Variants in PREP observed in about 807,000 individuals in gnomAD.
PREP encodes the protein prolyl endopeptidase, also known as dJ355L5.1 (prolyl endopeptidase).
PREP carries 29 observed loss-of-function variants against 87.6 expected under a neutral mutation model. That is an observed-to-expected ratio of 0.33 (90% CI 0.25 to 0.45). The LOEUF is 0.45. Among genes scored for constraint, PREP ranks in the 20% least tolerant of loss-of-function variants. PREP has a pLI of 1.00. For synonymous variants in PREP, 337 were observed against 328.6 expected, an observed-to-expected ratio of 1.03 and a Z score of -0.28; for missense variants, 695 against 886.5, an observed-to-expected ratio of 0.78 and a Z score of 2.74.
intron 9 of PREP, among the ~76,000 whole-genome samples, chr6:105,325,835 C>A (rs931436283): frequency 1.3e-5 from 2 of 152,112 alleles, no homozygotes; most frequent in African/African-American, 4.8e-5. Context: ...AAATAAATTT[C>A]AAAGTTTAAG....
chr6:105,350,406 TGA>T (rs1771917134), intron 7 of PREP, among the ~76,000 whole-genome samples: 1 of 152,112 alleles, frequency 6.6e-6, no homozygotes, highest in South Asian at 2.1e-4. Context: ...GTGGCGGAGC[TGA>T]GAGTAAAATT....
At chr6:105,325,607 C>T (rs1421052595) in intron 9 of PREP, among the ~76,000 whole-genome samples, 1 of 152,188 alleles carries the variant, frequency 6.6e-6, no homozygotes, top group East Asian at 1.9e-4. Flanking sequence ...CTGTGTTAAA[C>T]CTGAAGGTAC....
At chr6:105,355,942 CATTAT>C (rs1327125355) in intron 6 of PREP, among the ~76,000 whole-genome samples, 1 of 151,892 alleles carries the variant, frequency 6.6e-6, no homozygotes, top group Non-Finnish European at 1.5e-5. Context: ...TTTCTTTGTT[CATTAT>C]ATTAACACTT....
In PREP at chr6:105,373,569, A is replaced by G; in HGVS notation, c.395T>C (p.Phe132Ser). The G allele has an allele frequency of 6.2e-7, 1 of 1,614,082 alleles. No individual in the cohort carries two copies. The highest frequency in any genetic ancestry group is 8.5e-7 in the Non-Finnish European group (1 of 1,179,946). ...GGCAAAATATTCACCATCTTCGCTG[A>G]ACGCATAACCTATGGGACACAGGAG... is the stretch of plus-strand genomic sequence containing the variant. Reference protein sequence around the residue: ...DGTVALRGYAFSEDGEYFAYG... With the variant: ...DGTVALRGYASSEDGEYFAYG... The change falls in exon 5 of 15, where the codon TTC (phenylalanine) becomes TCC (serine). Residue 132 changes from phenylalanine to serine, a missense_variant. By Grantham distance (155) the Phe-to-Ser change is radical. Transcript: ENST00000652536.
chr6:105,308,747 A>G (rs1398956307), intron 10 of PREP, among the ~76,000 whole-genome samples: 1 of 152,182 alleles, frequency 6.6e-6, no homozygotes, highest in East Asian at 1.9e-4. Flanking sequence ...TTCAATCGTC[A>G]AGTACTTAAA....
intron 6 of PREP, among the ~76,000 whole-genome samples, chr6:105,358,716 T>A: frequency 6.6e-6 from 1 of 152,184 alleles, no homozygotes; most frequent in Non-Finnish European, 1.5e-5. Flanking sequence ...CCCCTTGCCT[T>A]GGCTACTCTT....
chr6:105,393,147 A>C (rs577440195), intron 2 of PREP, among the ~76,000 whole-genome samples: 55 of 152,226 alleles, frequency 3.6e-4, no homozygotes, highest in Non-Finnish European at 7.1e-4. Flanking sequence ...TGCTGTAAAG[A>C]GGAGAATCTT....
Position 105,379,968 on chromosome 6 carries a change from C to A in PREP, c.121-2449G>T, listed in dbSNP as rs192879073. Reference sequence around the variant, plus strand: ...CAGTGTTGGCCTGAACTGTTTGCTACCAGCCCACAATGAGAAGAGTGCAGA... The same window carrying A: ...CAGTGTTGGCCTGAACTGTTTGCTAACAGCCCACAATGAGAAGAGTGCAGA... On this transcript the variant is annotated intron_variant, in intron 2 of 14. Transcript: ENST00000652536. Among the ~76,000 whole-genome samples the A allele has an allele frequency of 2.4e-3, 365 of 152,312 alleles. 3 individuals carry two copies. Among genetic ancestry groups the A allele is most frequent in the Non-Finnish European group, 6.8e-4 (46 of 68,034 alleles).
chr6:105,348,878 C>CAA (rs1300160085), intron 7 of PREP, among the ~76,000 whole-genome samples: 11 of 92,308 alleles, frequency 1.2e-4, no homozygotes, highest in East Asian at 2.9e-4. Flanking sequence ...GATTCCGTCT[C>CAA]AAAAAAAAAA....
At chr6:105,310,403 C>T (rs1391040788) in intron 10 of PREP, among the ~76,000 whole-genome samples, 2 of 152,034 alleles carry the variant, frequency 1.3e-5, no homozygotes, top group African/African-American at 4.8e-5. Context: ...CCTGATACAC[C>T]CTGTTCAGCC....
chr6:105,398,325 A>G (rs1436289061), intron 1 of PREP, among the ~76,000 whole-genome samples: 1 of 152,196 alleles, frequency 6.6e-6, no homozygotes, highest in Non-Finnish European at 1.5e-5. Context: ...GCTAACACAC[A>G]CGTGCTCATT....
At chr6:105,346,656 G>A (rs1451935030) in intron 7 of PREP, among the ~76,000 whole-genome samples, 1 of 152,192 alleles carries the variant, frequency 6.6e-6, no homozygotes, top group Non-Finnish European at 1.5e-5. Flanking sequence ...TAAATGCTGT[G>A]ACATGAGAAA....
chr6:105,276,571 T>TATC lies in PREP; in HGVS notation c.*1570_*1572dup, dbSNP rs749303152. On this transcript the variant is annotated 3_prime_UTR_variant, in exon 15 of 15. Coordinates refer to ENST00000652536, the MANE Select transcript of PREP (RefSeq NM_002726.5). ...TTACACCAAAGCTAGCTAGTATCAG[T>TATC]ATCTGAGTAGATGGTGATGACGACA... Among the ~76,000 whole-genome samples the TATC allele has an allele frequency of 3.3e-5, 5 of 152,234 alleles. No individual in the cohort carries two copies. Among genetic ancestry groups the TATC allele is most frequent in the African/African-American group, 7.2e-5 (3 of 41,462 alleles).
chr6:105,339,689 T>C (rs1266616331), intron 7 of PREP, among the ~76,000 whole-genome samples: 1 of 152,116 alleles, frequency 6.6e-6, no homozygotes, highest in Non-Finnish European at 1.5e-5. Context: ...AGAGAAGACC[T>C]TAAATGACCT....
intron 9 of PREP, among the ~76,000 whole-genome samples, chr6:105,326,217 G>C (rs892608346): frequency 3.3e-5 from 5 of 152,122 alleles, no homozygotes; most frequent in African/African-American, 9.7e-5. Context: ...CTGACTCCCA[G>C]AGCCATGCAT....
intron 1 of PREP, among the ~76,000 whole-genome samples, chr6:105,402,439 CACACACACAA>C (rs1431563940): frequency 3.3e-5 from 5 of 151,206 alleles, no homozygotes; most frequent in African/African-American, 9.7e-5. Context: ...CACACACACA[CACACACACAA>C]ACACACACAC....
At chr6:105,350,113 C>CT (rs1016171834) in intron 7 of PREP, among the ~76,000 whole-genome samples, 1 of 151,692 alleles carries the variant, frequency 6.6e-6, no homozygotes. Flanking sequence ...TGCAGATAGA[C>CT]TTTTTTTTGT....
chr6:105,364,488 C>T (rs555809945), intron 6 of PREP, among the ~76,000 whole-genome samples: 1 of 152,282 alleles, frequency 6.6e-6, no homozygotes, highest in South Asian at 2.1e-4. Context: ...TGGACTGCGG[C>T]AGCCGAAGGG....
chr6:105,362,418 A>G (rs1396891775), intron 6 of PREP, among the ~76,000 whole-genome samples: 1 of 152,208 alleles, frequency 6.6e-6, no homozygotes, highest in African/African-American at 2.4e-5. Flanking sequence ...CCAGGATCAC[A>G]CCACTGCACT....
Sources: allele counts gnomAD v4.1 joint callset (sites outside exome capture counted in the v4.1 genomes callset), GRCh38; gene constraint gnomAD v4.1.1; transcripts MANE v1.5; gene names NCBI Gene and HGNC (gene_info 2026-07-23, HGNC 2026-07-21).